The following GRHPR variants were observed in gnomAD, a reference collection of about 807,000 sequenced individuals.
The protein encoded by GRHPR is glyoxylate and hydroxypyruvate reductase.
A neutral mutation model predicts 36.8 loss-of-function variants in GRHPR; 35 were observed. That is an observed-to-expected ratio of 0.95 (90% CI 0.73 to 1.26). GRHPR has a LOEUF of 1.26. GRHPR is among the 50% of genes most tolerant of loss of function. The probability of loss-of-function intolerance (pLI) is 0.00; values close to 1 mark genes in which losing one functional copy is unlikely to be tolerated. For synonymous variants in GRHPR, 179 were observed against 181.0 expected (o/e 0.99, Z 0.09); for missense variants, 380 against 435.0 (o/e 0.87, Z 1.12).
chr9:37,428,300 T>G, intron 4 of GRHPR, 184 bp from the exon 5 acceptor site: 1 of 650,844 alleles, frequency 1.5e-6, no homozygotes, highest in East Asian at 2.7e-5. Context: ...TCTGGTGGCT[T>G]TAAAGGTGGA....
chr9:37,434,511 A>G, intron 8 of GRHPR: 1 of 458,524 alleles, frequency 2.2e-6, no homozygotes. Flanking sequence ...AGGTAGAGGA[A>G]AAGCCCGCAG....
Position 37,430,835 on chromosome 9 carries a change from C to T in GRHPR, c.734+189C>T, listed in dbSNP as rs1178291139. On this transcript the variant is annotated intron_variant, in intron 7 of 8. Coordinates refer to ENST00000318158, the MANE Select transcript of GRHPR (RefSeq NM_012203.2). Reference sequence around the variant, plus strand: ...CCTCCGTACAGGGAAGAAGAGCCGTCAGAGTGGGCCTGGCCTGTCTGCTTC... The same window carrying T: ...CCTCCGTACAGGGAAGAAGAGCCGTTAGAGTGGGCCTGGCCTGTCTGCTTC... The T allele has an allele frequency of 4.3e-6, 3 of 692,958 alleles. No homozygotes were observed. In the Admixed American group the frequency reaches 6.1e-5, roughly 14 times the overall value. The allele number at this position is 692,958 out of a possible 1,614,324, so 42.9% of individuals were successfully genotyped here. A position where few individuals can be genotyped will look rare whatever the true frequency, so the allele number is the denominator to read the frequency against.
chr9:37,431,936 G>A lies in GRHPR; in HGVS notation c.735-72G>A, dbSNP rs185224800. 4.4e-5 allele frequency: 68 copies of A among 1,542,820 alleles called. No individual in the cohort carries two copies. In the East Asian group the frequency reaches 1.4e-3, roughly 33 times the overall value. On this transcript the variant is annotated intron_variant, in intron 7 of 8. Transcript: ENST00000318158. Reference sequence around the variant, plus strand: ...AGTGAGTGGAAAAATTCATTCTGTAGGTTGTTCTGCCTCAAAGGTGGCCTG... The same window carrying A: ...AGTGAGTGGAAAAATTCATTCTGTAAGTTGTTCTGCCTCAAAGGTGGCCTG...
chr9:37,430,273 A>G, intron 6 of GRHPR: 1 of 601,042 alleles, frequency 1.7e-6, no homozygotes, highest in South Asian at 1.9e-5. Flanking sequence ...GATCTCAAGC[A>G]TTCCCCACGC....
downstream of GRHPR, among the ~76,000 whole-genome samples, chr9:37,437,916 T>C (rs150369263): frequency 6.6e-6 from 1 of 152,220 alleles, no homozygotes; most frequent in East Asian, 1.9e-4. Context: ...CAAAATCTCA[T>C]GCATGTGCGT....
At chr9:37,431,654 C>G (rs745480551) in intron 7 of GRHPR, 4 of 319,186 alleles carry the variant, frequency 1.3e-5, no homozygotes, top group Non-Finnish European at 2.5e-5. Flanking sequence ...CACAGATGCC[C>G]TTCTGGGCCC....
At chr9:37,431,051 T>C (rs149887822) in intron 7 of GRHPR, 33 of 473,734 alleles carry the variant, frequency 7.0e-5, no homozygotes, top group Admixed American at 3.8e-4. Context: ...AGTGATACTT[T>C]GAACCTTATG....
chr9:37,435,333 A>G (rs1823590127), intron 8 of GRHPR, among the ~76,000 whole-genome samples: 1 of 152,228 alleles, frequency 6.6e-6, no homozygotes, highest in Non-Finnish European at 1.5e-5. Context: ...GTAAAGGGGT[A>G]CTATACTTCA....
Position 37,428,479 on chromosome 9 carries a change from C to T in GRHPR, c.405-5C>T, listed in dbSNP as rs1475733990. 1.3e-6 allele frequency: 2 copies of T among 1,598,070 alleles called. No individual in the cohort carries two copies. The highest frequency in any genetic ancestry group is 8.6e-7 in the Non-Finnish European group (1 of 1,166,126). ...CCTCTCACCTGCCCCTCTCTCTCCC[C>T]TCAGTGGTGGCTGGACCTCGTGGAA... On this transcript the variant is annotated splice_region_variant and splice_polypyrimidine_tract_variant and intron_variant, in intron 4 of 8. Transcript: ENST00000318158.
At chr9:37,429,940 C>T in intron 6 of GRHPR, 104 bp downstream of exon 6, 1 of 748,332 alleles carries the variant, frequency 1.3e-6, no homozygotes, top group Non-Finnish European at 2.4e-6. Flanking sequence ...GAGCTCCAGG[C>T]ATGTCCAGGG....
intron 8 of GRHPR, among the ~76,000 whole-genome samples, chr9:37,435,920 A>G (rs922801782): frequency 2.0e-5 from 3 of 152,124 alleles, no homozygotes; most frequent in Admixed American, 6.5e-5. Flanking sequence ...CTACAGGAAT[A>G]TGCCACTGCA....
intron 1 of GRHPR, among the ~76,000 whole-genome samples, 165 bp downstream of exon 1, chr9:37,422,998 A>G (rs896209074): frequency 6.6e-6 from 1 of 152,086 alleles, no homozygotes; most frequent in Non-Finnish European, 1.5e-5. Context: ...CGACGCTGGG[A>G]CCTGCAGTTC....
At chr9:37,432,539 A>G (rs1388016173) in intron 8 of GRHPR, 2 of 296,118 alleles carry the variant, frequency 6.8e-6, no homozygotes, top group South Asian at 3.2e-5. Flanking sequence ...TTAGCCAGGT[A>G]TGGTGGTGCA....
chr9:37,423,836 C>T (rs1822954268), intron 1 of GRHPR, among the ~76,000 whole-genome samples: 1 of 152,208 alleles, frequency 6.6e-6, no homozygotes, highest in African/African-American at 2.4e-5. Flanking sequence ...TATACATAAA[C>T]TTTTAATCCT....
intron 1 of GRHPR, 94 bp downstream of exon 1, chr9:37,422,927 A>G (rs1440466516): frequency 1.4e-5 from 13 of 910,814 alleles, no homozygotes; most frequent in Non-Finnish European, 2.0e-5. Flanking sequence ...CGGCTGGGGC[A>G]GGCTTGGAGT....
At chr9:37,435,876 G>A (rs919873934) in intron 8 of GRHPR, among the ~76,000 whole-genome samples, 2 of 152,078 alleles carry the variant, frequency 1.3e-5, no homozygotes, top group Non-Finnish European at 2.9e-5. Flanking sequence ...GGGCTCAAGC[G>A]AACCTTGCAT....
chr9:37,431,247 C>G, intron 7 of GRHPR: 1 of 344,794 alleles, frequency 2.9e-6, no homozygotes, highest in Non-Finnish European at 5.8e-6. Context: ...TGGGTGAGGT[C>G]ATCCTGAGGA....
Position 37,424,982 on chromosome 9 carries a change from A to G in GRHPR, c.214+7A>G. On this transcript the variant is annotated splice_region_variant and intron_variant, in intron 2 of 8. Coordinates refer to ENST00000318158, the MANE Select transcript of GRHPR (RefSeq NM_012203.2). ...AGGATCCTGGATGCTGCAGGTGCAC[A>G]CTGGGTGGGCAGGGGACTTGAGGGT... is the stretch of plus-strand genomic sequence containing the variant. The G allele has an allele frequency of 6.2e-7, 1 of 1,611,236 alleles. No homozygotes were observed. Among genetic ancestry groups the G allele is most frequent in the Non-Finnish European group, 8.5e-7 (1 of 1,179,520 alleles).
rs937750398 is a variant in GRHPR, at chr9:37,436,828, A to G, written c.*46A>G. 3.7e-6 allele frequency: 6 copies of G among 1,607,950 alleles called. No individual in the cohort carries two copies. Among genetic ancestry groups the G allele is most frequent in the Non-Finnish European group, 5.1e-6 (6 of 1,174,698 alleles). On this transcript the variant is annotated 3_prime_UTR_variant, in exon 9 of 9. Transcript: ENST00000318158. ...GCCGGGAAGCAAACCGTGCCCTGGT[A>G]TTGTCAGACACACCCAGGCTTGATT...
Sources: allele counts gnomAD v4.1 joint callset (sites outside exome capture counted in the v4.1 genomes callset), GRCh38; gene constraint gnomAD v4.1.1; transcripts MANE v1.5; gene names NCBI Gene and HGNC (gene_info 2026-07-23, HGNC 2026-07-21).